Variants in GABRG1 observed in about 807,000 individuals in gnomAD.
The protein encoded by GABRG1 is gamma-aminobutyric acid receptor subunit gamma-1.
In GABRG1, 49 loss-of-function variants were observed where a neutral mutation model predicts 49.8. That is an observed-to-expected ratio of 0.98 (90% CI 0.78 to 1.25). The LOEUF (loss-of-function observed/expected upper bound fraction) is 1.25, where lower values mean the gene tolerates loss of function less well. Among genes scored for constraint, GABRG1 ranks in the 50% most tolerant of loss-of-function variants. The pLI is 0.00. For synonymous variants in GABRG1, 232 were observed against 185.1 expected, an observed-to-expected ratio of 1.25 and a Z score of -2.06; for missense variants, 552 against 552.3, an observed-to-expected ratio of 1.00 and a Z score of 0.01.
chr4:46,084,836 A>T (rs1719696249), intron 2 of GABRG1, among the ~76,000 whole-genome samples: 2 of 151,680 alleles, frequency 1.3e-5, no homozygotes, highest in Non-Finnish European at 3.0e-5. Context: ...AAGGTTTTAC[A>T]ATTTAACATA....
At chr4:46,050,074 G>T (rs1231163678) in intron 8 of GABRG1, among the ~76,000 whole-genome samples, 1 of 151,830 alleles carries the variant, frequency 6.6e-6, no homozygotes, top group Non-Finnish European at 1.5e-5. Flanking sequence ...AAGATGCATG[G>T]CTTTGATGAA....
chr4:46,053,043 C>A (rs1018216142), intron 7 of GABRG1, among the ~76,000 whole-genome samples: 9 of 151,874 alleles, frequency 5.9e-5, no homozygotes, highest in Admixed American at 5.3e-4. Flanking sequence ...TTTTTCAACT[C>A]CTTTGTGCCT....
chr4:46,060,756 G>A (rs966484727), intron 5 of GABRG1, among the ~76,000 whole-genome samples: 1 of 151,664 alleles, frequency 6.6e-6, no homozygotes, highest in Admixed American at 6.6e-5. Flanking sequence ...TTGCTCTCTA[G>A]GGTTGTAGCC....
chr4:46,057,203 T>A (rs1263219224), intron 7 of GABRG1, among the ~76,000 whole-genome samples: 1 of 152,124 alleles, frequency 6.6e-6, no homozygotes, highest in Non-Finnish European at 1.5e-5. Flanking sequence ...ACTAGCTATG[T>A]CAATATCCCT....
chr4:46,060,306 T>A (rs1718626424), intron 5 of GABRG1, among the ~76,000 whole-genome samples: 1 of 151,956 alleles, frequency 6.6e-6, no homozygotes, highest in Admixed American at 6.6e-5. Flanking sequence ...CTTCACGTGA[T>A]CTCAACTGGT....
intron 4 of GABRG1, among the ~76,000 whole-genome samples, 153 bp from the exon 5 acceptor site, chr4:46,064,676 T>C (rs922374102): frequency 6.6e-6 from 1 of 152,042 alleles, no homozygotes; most frequent in African/African-American, 2.4e-5. Context: ...AAGTCTTAAA[T>C]AGCAATAATA....
At chr4:46,119,017 G>T (rs1212019501) in intron 1 of GABRG1, among the ~76,000 whole-genome samples, 3 of 151,046 alleles carry the variant, frequency 2.0e-5, no homozygotes, top group Middle Eastern at 3.4e-3. Flanking sequence ...ATTATATATA[G>T]CATCCTTTAA....
chr4:46,076,362 CAT>C (rs1203391424), intron 3 of GABRG1, among the ~76,000 whole-genome samples: 4,600 of 77,866 alleles, frequency 0.059, 101 homozygotes, highest in Admixed American at 0.073. Flanking sequence ...AGGTCATGTT[CAT>C]ATATATATAT....
chr4:46,089,519 C>G (rs959139675), intron 2 of GABRG1, among the ~76,000 whole-genome samples: 10 of 152,104 alleles, frequency 6.6e-5, no homozygotes, highest in African/African-American at 2.2e-4. Flanking sequence ...CTCTTACCCC[C>G]ACAGTGTCAC....
chr4:46,106,827 AAG>A (rs1466811988), intron 1 of GABRG1, among the ~76,000 whole-genome samples: 3 of 151,172 alleles, frequency 2.0e-5, no homozygotes, highest in African/African-American at 4.8e-5. Context: ...TGATATGAAA[AAG>A]AATCATGAGT....
chr4:46,049,318 G>A (rs1187591262), intron 8 of GABRG1, among the ~76,000 whole-genome samples: 1 of 151,826 alleles, frequency 6.6e-6, no homozygotes, highest in African/African-American at 2.4e-5. Flanking sequence ...TACCTGATTA[G>A]CAAGACCATA....
rs1456859805 is a variant in GABRG1 at position 46,037,501 on chromosome 4, A to G, written c.*3487T>C. 1 of 151,774 alleles carries G rather than the reference A, an allele frequency of 6.6e-6. No homozygotes were observed. The highest frequency in any genetic ancestry group is 2.4e-5 in the African/African-American group (1 of 41,392). 9.4% of individuals were successfully genotyped at this position (151,774 alleles called of 1,614,324 possible). ...AAGCTGAATAAATTTGATGATGTGA[A>G]GAAAACTTGGTAGGTCAGAAATAAA... On this transcript the variant is annotated 3_prime_UTR_variant, in exon 9 of 9. Transcript: ENST00000295452.
At chr4:46,104,637 T>A (rs144073301) in intron 1 of GABRG1, among the ~76,000 whole-genome samples, 57 of 151,664 alleles carry the variant, frequency 3.8e-4, no homozygotes, top group African/African-American at 1.4e-3. Flanking sequence ...CCTATTTATA[T>A]GTATTGGTTA....
intron 8 of GABRG1, among the ~76,000 whole-genome samples, chr4:46,046,271 T>G (rs1187111933): frequency 1.3e-5 from 2 of 152,080 alleles, no homozygotes; most frequent in African/African-American, 4.8e-5. Flanking sequence ...AATAGAAATA[T>G]AAATATTAAG....
chr4:46,090,994 A>G, intron 2 of GABRG1, among the ~76,000 whole-genome samples: 1 of 149,460 alleles, frequency 6.7e-6, no homozygotes, highest in Non-Finnish European at 1.5e-5. Flanking sequence ...ACACACACAC[A>G]CGGAATTTAA....
At chr4:46,083,759 G>A (rs1034981045) in intron 3 of GABRG1, among the ~76,000 whole-genome samples, 8 of 150,964 alleles carry the variant, frequency 5.3e-5, no homozygotes, top group Non-Finnish European at 8.9e-5. Context: ...TTGTTATGCC[G>A]TTGCATAGTT....
chr4:46,117,659 T>C (rs939763420), intron 1 of GABRG1, among the ~76,000 whole-genome samples: 1 of 144,942 alleles, frequency 6.9e-6, no homozygotes, highest in South Asian at 2.1e-4. Flanking sequence ...TATATGTATA[T>C]ACGTATATAG....
chr4:46,041,394 A>G (rs1289938482), intron 8 of GABRG1, 140 bp from the exon 9 acceptor site: 1 of 727,424 alleles, frequency 1.4e-6, no homozygotes, highest in Non-Finnish European at 2.2e-6. Flanking sequence ...ATTTTCAATT[A>G]TAACATGTTT....
chr4:46,093,685 T>A (rs1720076467), intron 2 of GABRG1, among the ~76,000 whole-genome samples: 1 of 151,986 alleles, frequency 6.6e-6, no homozygotes, highest in African/African-American at 2.4e-5. Flanking sequence ...TCTATGTGTA[T>A]ATAAAAATAC....
Sources: gnomAD v4.1 joint callset for allele counts (sites outside exome capture counted in the v4.1 genomes callset) on GRCh38, gnomAD v4.1.1 for gene constraint, MANE v1.5 for transcripts, NCBI Gene and HGNC (gene_info 2026-07-23, HGNC 2026-07-21) for gene names.